VWA5B1: variants seen among roughly 807,000 people sequenced by gnomAD.
VWA5B1 encodes the protein von Willebrand factor A domain-containing protein 5B1.
VWA5B1 carries 115 observed loss-of-function variants against 118.2 expected under a neutral mutation model. The ratio of observed to expected loss-of-function variants is 0.97; its 90% confidence interval spans 0.84 to 1.14. The LOEUF (loss-of-function observed/expected upper bound fraction) is 1.14, where lower values mean the gene tolerates loss of function less well. Ranked by LOEUF, VWA5B1 falls within the 50% of genes most tolerant of loss-of-function variation. The pLI is 0.00. For synonymous variants in VWA5B1, 682 were observed against 658.4 expected, an observed-to-expected ratio of 1.04 and a Z score of -0.55; for missense variants, 1,596 against 1,603.8, an observed-to-expected ratio of 1.00 and a Z score of 0.08.
intron 1 of VWA5B1, among the ~76,000 whole-genome samples, chr1:20,292,029 G>C (rs1032803301): frequency 2.0e-5 from 3 of 152,096 alleles, no homozygotes; most frequent in African/African-American, 7.2e-5. Flanking sequence ...ACACCATCCT[G>C]CCTCTCCCAC....
In VWA5B1 at chr1:20,330,341, G is replaced by C. The variant is rs374467436; in HGVS notation, c.1416G>C (p.Gly472=). The C allele has an allele frequency of 1.3e-6, 2 of 1,551,790 alleles. No homozygotes were observed. The highest frequency in any genetic ancestry group is 1.7e-6 in the Non-Finnish European group (2 of 1,147,024). ...VITDGAVNNT[G]KVLELVRNHA... is the part of the protein sequence containing the mutation. ...CAGATGGCGCTGTCAACAACACAGG[G>C]AAGGTGCTGGAGCTGGTGCGAAATC... Residue 472 remains glycine (G), a synonymous_variant, in exon 10 of 22, where the codon GGG becomes GGC. Coordinates refer to ENST00000289815, the MANE Select transcript of VWA5B1 (RefSeq NM_001039500.3).
rs749816306 is a variant in VWA5B1 at position 20,344,121 on chromosome 1, T to C, written c.2626+728T>C. On this transcript the variant is annotated intron_variant, in intron 16 of 21. Transcript: ENST00000289815. ...GGGCTCCATTCCATTCCCGCCAAGA[T>C]CCACCCTCTTCCCCCTGCCTCCGAG... Among the ~76,000 whole-genome samples, 16 of 149,970 alleles carry C rather than the reference T, an allele frequency of 1.1e-4. 1 individual carries two copies. Among genetic ancestry groups the C allele is most frequent in the Non-Finnish European group, 2.1e-4 (14 of 67,570 alleles).
chr1:20,350,049 C>T (rs1047526929), intron 18 of VWA5B1, 107 bp from the exon 19 acceptor site: 14 of 1,183,114 alleles, frequency 1.2e-5, no homozygotes, highest in Non-Finnish European at 1.5e-5. Context: ...TAGCCTTGTT[C>T]CCCAACCCAC....
intron 12 of VWA5B1, among the ~76,000 whole-genome samples, chr1:20,333,442 A>C (rs1054312259): frequency 2.0e-5 from 3 of 152,168 alleles, no homozygotes; most frequent in South Asian, 2.1e-4. Flanking sequence ...GTGCCATTGC[A>C]CTCCAGCCTG....
chr1:20,324,100 A>G (rs1474233352), intron 8 of VWA5B1, among the ~76,000 whole-genome samples: 6 of 152,206 alleles, frequency 3.9e-5, no homozygotes, highest in Non-Finnish European at 7.3e-5. Context: ...CCATCAAGGA[A>G]TGTGTAGAAT....
chr1:20,326,717 C>G (rs949637688), intron 8 of VWA5B1, among the ~76,000 whole-genome samples: 2 of 151,826 alleles, frequency 1.3e-5, no homozygotes, highest in African/African-American at 4.8e-5. Flanking sequence ...CCAAAGTGCT[C>G]GGATTACAAG....
chr1:20,358,295 C>T lies in VWA5B1; in HGVS notation c.*4032C>T, dbSNP rs1230317928. Among the ~76,000 whole-genome samples the T allele has an allele frequency of 2.6e-5, 4 of 152,220 alleles. No individual in the cohort carries two copies. The highest frequency in any genetic ancestry group is 5.9e-5 in the Non-Finnish European group (4 of 68,036). ...GAAAAGCAAGGGTTCCTCCTTCTCC[C>T]TTCCAGCTGGTTCACCAGGAACAGC... On this transcript the variant is annotated 3_prime_UTR_variant, in exon 22 of 22. Coordinates refer to ENST00000289815, the MANE Select transcript of VWA5B1 (RefSeq NM_001039500.3).
rs74543590 is a variant in VWA5B1 at position 20,324,740 on chromosome 1, G to C, written c.1143+1208G>C. ...GGAGAGGAGGGTTGGGTGGGATCTG[G>C]GATGCCAGGTATCTCCATGGGTTTG... is the stretch of plus-strand genomic sequence containing the variant. On this transcript the variant is annotated intron_variant, in intron 8 of 21. Transcript: ENST00000289815. 7.1e-4 allele frequency among the ~76,000 whole-genome samples: 108 copies of C among 152,156 alleles called. 1 individual carries two copies. The highest frequency in any genetic ancestry group is 2.5e-3 in the African/African-American group (105 of 41,520).
At position 20,319,494 on chromosome 1, in the gene VWA5B1, A is replaced by G; in HGVS notation, c.954A>G (p.Arg318=). 1 of 1,551,770 alleles carries G rather than the reference A, an allele frequency of 6.4e-7. No homozygotes were observed. Among genetic ancestry groups the G allele is most frequent in the Non-Finnish European group, 8.7e-7 (1 of 1,147,016 alleles). ...DFIKGMKKKS[R]AERKTEIIRK... ...TTAAAGGGATGAAGAAGAAGAGCAG[A>G]GCAGAGCGGAAGGTGAGGGCAACTG... Residue 318 remains arginine, a synonymous_variant, in exon 7 of 22, where the codon AGA becomes AGG. Transcript: ENST00000289815.
In VWA5B1 at chr1:20,343,037, C is replaced by A. The variant is rs539403919; in HGVS notation, c.2312-42C>A. 2.7e-6 allele frequency: 4 copies of A among 1,472,090 alleles called. No individual in the cohort carries two copies. In the East Asian group the frequency reaches 1.0e-4, roughly 37 times the overall value. 91.2% of individuals were successfully genotyped at this position (1,472,090 alleles called of 1,614,324 possible). ...TGTCCCCTGGGAGTTGGCCGTCTGTCCCCCAGGTCAGCGCTTGGCCCACTT... is the reference window on the plus strand; with the variant it reads ...TGTCCCCTGGGAGTTGGCCGTCTGTACCCCAGGTCAGCGCTTGGCCCACTT... On this transcript the variant is annotated intron_variant, in intron 15 of 21. Transcript: ENST00000289815.
intron 4 of VWA5B1, 21 bp from the exon 5 acceptor site, chr1:20,317,509 C>T (rs2100863624): frequency 6.5e-7 from 1 of 1,549,924 alleles, no homozygotes; most frequent in South Asian, 1.2e-5. Flanking sequence ...GTCTCCTTTC[C>T]TTCCCCCGGC....
chr1:20,322,964 T>C (rs2089267158), intron 7 of VWA5B1: 1 of 157,384 alleles, frequency 6.4e-6, no homozygotes, highest in African/African-American at 2.4e-5. Flanking sequence ...ACACTGAGTG[T>C]AAAAGCGAGA....
intron 15 of VWA5B1, 80 bp from the exon 16 acceptor site, chr1:20,342,999 T>G: frequency 6.9e-7 from 1 of 1,454,006 alleles, no homozygotes; most frequent in South Asian, 1.4e-5. Flanking sequence ...GTCTGCTCCC[T>G]GGGGAGGAAT....
At chr1:20,292,248 G>A (rs1266997252) in intron 1 of VWA5B1, among the ~76,000 whole-genome samples, 3 of 148,772 alleles carry the variant, frequency 2.0e-5, no homozygotes, top group Non-Finnish European at 3.0e-5. Context: ...CTGCTGAGGC[G>A]CAGCCCCTTC....
chr1:20,340,718 C>T (rs1041387325), intron 14 of VWA5B1, among the ~76,000 whole-genome samples: 1 of 152,114 alleles, frequency 6.6e-6, no homozygotes, highest in African/African-American at 2.4e-5. Context: ...TCAGTGTTTG[C>T]AATAAAAACC....
rs79754094 is a variant in VWA5B1, at chr1:20,306,923, C to G, written c.-26-3653C>G. Among the ~76,000 whole-genome samples the G allele has an allele frequency of 4.6e-3, 705 of 152,252 alleles. 9 individuals carry two copies. The highest frequency in any genetic ancestry group is 0.016 in the African/African-American group (673 of 41,544). ...GATCCAATTTATAACTCCGGGCACTCCTTCTGAAAAATCCTTTTTTCTTGC... is the reference window on the plus strand; with the variant it reads ...GATCCAATTTATAACTCCGGGCACTGCTTCTGAAAAATCCTTTTTTCTTGC... On this transcript the variant is annotated intron_variant, in intron 1 of 21. Transcript: ENST00000289815.
rs984195144 is a variant in VWA5B1, at chr1:20,318,608, A to G, written c.728A>G (p.His243Arg). The G allele has an allele frequency of 5.2e-6, 8 of 1,551,272 alleles. No individual in the cohort carries two copies. The highest frequency in any genetic ancestry group is 7.0e-6 in the Non-Finnish European group (8 of 1,146,832). ...CACTCAGGGGTGGAGAGTCCCACTC[A>G]TGAGATTCGTGCCGACGCCGCCCCA... ...CLLAGVESPT[H>R]EIRADAAPSA... The change falls in exon 6 of 22, where the codon CAT becomes CGT. Residue 243 changes from histidine (H) to arginine (R), a missense_variant. By Grantham distance (29) the His-to-Arg change is conservative. Coordinates refer to ENST00000289815, the MANE Select transcript of VWA5B1 (RefSeq NM_001039500.3).
rs548599789 is a variant in VWA5B1 at position 20,317,049 on chromosome 1, G to A, written c.564-481G>A. 9.9e-5 allele frequency among the ~76,000 whole-genome samples: 15 copies of A among 151,452 alleles called. No individual in the cohort carries two copies. The South Asian group carries it at 1.5e-3, about 15-fold the overall frequency. ...CGGGCACCTGTAGTCCCAGCTACTC[G>A]GGAGGCTGAGGCAGGAGAATGGTGT... On this transcript the variant is annotated intron_variant, in intron 4 of 21. Coordinates refer to ENST00000289815, the MANE Select transcript of VWA5B1 (RefSeq NM_001039500.3).
At chr1:20,301,841 C>T (rs2088511332) in intron 1 of VWA5B1, among the ~76,000 whole-genome samples, 1 of 152,166 alleles carries the variant, frequency 6.6e-6, no homozygotes, top group Non-Finnish European at 1.5e-5. Context: ...CCCAATTTTC[C>T]CAGCGATGTG....
Sources: gnomAD v4.1 joint callset for allele counts (sites outside exome capture counted in the v4.1 genomes callset) on GRCh38, gnomAD v4.1.1 for gene constraint, MANE v1.5 for transcripts, NCBI Gene and HGNC (gene_info 2026-07-23, HGNC 2026-07-21) for gene names.